TARBP1: variants seen among roughly 807,000 people sequenced by gnomAD.
The protein encoded by TARBP1 is tRNA guanosine 2 -O-methyltransferase TARBP1.
In TARBP1, 144 loss-of-function variants were observed where a neutral mutation model predicts 178.6. The ratio of observed to expected loss-of-function variants is 0.81; its 90% CI spans 0.70 to 0.93. The LOEUF is 0.93. Ranked by LOEUF, TARBP1 falls within the 40% of genes least tolerant of loss-of-function variation. The pLI is 0.00. For synonymous variants in TARBP1, 787 were observed against 781.0 expected, an observed-to-expected ratio of 1.01 and a Z score of -0.13; for missense variants, 2,067 against 2,011.7, an observed-to-expected ratio of 1.03 and a Z score of -0.53.
At position 234,465,558 on chromosome 1, in the gene TARBP1, G is replaced by C. The variant is rs1053683731; in HGVS notation, c.1301+98C>G. On this transcript the variant is annotated intron_variant, in intron 5 of 29. Transcript: ENST00000040877. ...TAAGAAAAACTCAACTGTCTATTCA[G>C]CAACATACTGTATGTGCCAAATGCA... is the stretch of plus-strand genomic sequence containing the variant. 1.1e-5 allele frequency: 12 copies of C among 1,109,386 alleles called. No individual in the cohort carries two copies. In the South Asian group the frequency reaches 1.4e-4, roughly 13 times the overall value. 68.7% of individuals were successfully genotyped at this position (1,109,386 alleles called of 1,614,324 possible).
chr1:234,440,583 C>T (rs1161894554), intron 12 of TARBP1, among the ~76,000 whole-genome samples: 1 of 152,078 alleles, frequency 6.6e-6, no homozygotes, highest in Non-Finnish European at 1.5e-5. Flanking sequence ...GGGAATACTA[C>T]AGACAATTCT....
At chr1:234,449,304 G>A (rs1334900919) in intron 10 of TARBP1, among the ~76,000 whole-genome samples, 1 of 152,210 alleles carries the variant, frequency 6.6e-6, no homozygotes, top group Non-Finnish European at 1.5e-5. Context: ...GAGGAAAAAT[G>A]TCTAAAATCA....
intron 26 of TARBP1, chr1:234,398,050 A>C (rs1660312697): frequency 5.9e-6 from 1 of 169,316 alleles, no homozygotes; most frequent in Admixed American, 6.3e-5. Flanking sequence ...GGAAATGTTT[A>C]TTTTTACAGA....
intron 26 of TARBP1, among the ~76,000 whole-genome samples, chr1:234,394,346 G>A (rs577152846): frequency 1.3e-5 from 2 of 152,316 alleles, no homozygotes; most frequent in African/African-American, 2.4e-5. Context: ...GTTATCTCTT[G>A]ACAAAAGTGA....
At chr1:234,475,725 T>C (rs1329198168) in intron 1 of TARBP1, among the ~76,000 whole-genome samples, 1 of 152,226 alleles carries the variant, frequency 6.6e-6, no homozygotes, top group Non-Finnish European at 1.5e-5. Flanking sequence ...CCTCATCTCT[T>C]GCACCAGGGA....
At chr1:234,419,991 T>C (rs987830016) in intron 21 of TARBP1, among the ~76,000 whole-genome samples, 3 of 152,202 alleles carry the variant, frequency 2.0e-5, no homozygotes, top group African/African-American at 7.2e-5. Flanking sequence ...GGGAGGACAG[T>C]AGGAAATTTT....
At chr1:234,450,050 A>C (rs1001365891) in intron 10 of TARBP1, among the ~76,000 whole-genome samples, 5 of 152,196 alleles carry the variant, frequency 3.3e-5, no homozygotes, top group African/African-American at 1.2e-4. Context: ...AAAATGAAAA[A>C]GATAAACACG....
At chr1:234,392,327 C>T (rs1373425945) in intron 29 of TARBP1, 89 bp downstream of exon 29, 5 of 1,511,022 alleles carry the variant, frequency 3.3e-6, no homozygotes, top group Non-Finnish European at 8.9e-7. Context: ...CAGAGTGAGA[C>T]TCCGTCTCAA....
rs763888507 is a variant in TARBP1 at position 234,420,745 on chromosome 1, C to A, written c.3512G>T (p.Arg1171Leu). 2 of 1,612,798 alleles carry A rather than the reference C, an allele frequency of 1.2e-6. No individual in the cohort carries two copies. Among genetic ancestry groups the A allele is most frequent in the Non-Finnish European group, 8.5e-7 (1 of 1,179,422 alleles). ...VNSLQHRVKN[R>L]VWQTLLVLFP... ...AAGTACCAGCAGAGTCTGCCACACT[C>A]GGTTTTTCACTCTGTGCTGTAGAGA... The change falls in exon 21 of 30, where the codon CGA becomes CTA. Residue 1171 changes from arginine (R) to leucine (L), a missense_variant. Coordinates refer to ENST00000040877, the MANE Select transcript of TARBP1 (RefSeq NM_005646.4).
In TARBP1 at chr1:234,472,817, A is replaced by G. The variant is rs750464475; in HGVS notation, c.932-6T>C. The G allele has an allele frequency of 2.5e-6, 4 of 1,586,566 alleles. No homozygotes were observed. The African/African-American group carries it at 4.1e-5, about 16-fold the overall frequency. On this transcript the variant is annotated splice_polypyrimidine_tract_variant and splice_region_variant and intron_variant, in intron 1 of 29. Transcript: ENST00000040877. ...CCACCAAAACAGACTTGGGCCTGATATGGTTTAAAAAAGAAAATTAGTTCT... is the reference window on the plus strand; with the variant it reads ...CCACCAAAACAGACTTGGGCCTGATGTGGTTTAAAAAAGAAAATTAGTTCT...
At chr1:234,425,628 TCTGA>T (rs1262602353) in intron 20 of TARBP1, 41 bp downstream of exon 20, 15 of 1,581,044 alleles carry the variant, frequency 9.5e-6, no homozygotes, top group South Asian at 3.4e-5. Flanking sequence ...AATGTTGACC[TCTGA>T]CTGTTAAAAA....
Position 234,418,166 on chromosome 1 carries a change from T to G in TARBP1, c.3623A>C (p.Lys1208Thr). ...AGFTNNQASI[K>T]YFIEWIIILI... The stretch of plus-strand genomic sequence containing the variant: ...TATAATAATCCATTCTATAAAATAT[T>G]TTATGGATGCTTGATTGTTGGTGAA... The change falls in exon 22 of 30, where the codon AAA (lysine) becomes ACA (threonine). Residue 1208 changes from lysine to threonine, a missense_variant. By Grantham distance (78) the Lys-to-Thr change is moderately conservative (BLOSUM62 -1). Coordinates refer to ENST00000040877, the MANE Select transcript of TARBP1 (RefSeq NM_005646.4). The G allele has an allele frequency of 6.5e-7, 1 of 1,550,192 alleles. No individual in the cohort carries two copies. The highest frequency in any genetic ancestry group is 8.6e-7 in the Non-Finnish European group (1 of 1,158,042).
intron 21 of TARBP1, among the ~76,000 whole-genome samples, chr1:234,419,460 T>C (rs1232181598): frequency 1.3e-5 from 2 of 152,176 alleles, no homozygotes; most frequent in African/African-American, 4.8e-5. Context: ...AAAATGAGAA[T>C]ATGTATGGCC....
At chr1:234,462,297 T>C (rs1375978494) in intron 6 of TARBP1, among the ~76,000 whole-genome samples, 2 of 152,210 alleles carry the variant, frequency 1.3e-5, no homozygotes, top group East Asian at 3.8e-4. Flanking sequence ...TTCACTCACG[T>C]GTGCTACTGA....
In TARBP1 at chr1:234,446,853, A is replaced by T; in HGVS notation, c.2084T>A (p.Leu695Gln). The T allele has an allele frequency of 6.2e-7, 1 of 1,614,052 alleles. No homozygotes were observed. The highest frequency in any genetic ancestry group is 8.5e-7 in the Non-Finnish European group (1 of 1,179,982). ...CCTGCATGTGTTCAACAGCTTCAACAGCAGCTGGAGGCATCTGTCAGTCTT... is the reference window on the plus strand; with the variant it reads ...CCTGCATGTGTTCAACAGCTTCAACTGCAGCTGGAGGCATCTGTCAGTCTT... ...LLKTDRCLQL[L>Q]LKLLNTCRLK... The change falls in exon 12 of 30, where the codon CTG (leucine) becomes CAG (glutamine). Residue 695 changes from leucine (L) to glutamine (Q), a missense_variant. Transcript: ENST00000040877.
chr1:234,423,126 G>C (rs894250686), intron 20 of TARBP1, among the ~76,000 whole-genome samples: 1 of 152,200 alleles, frequency 6.6e-6, no homozygotes, highest in African/African-American at 2.4e-5. Flanking sequence ...TACTGCTCTA[G>C]ACAAGCATTT....
chr1:234,398,645 T>C, intron 25 of TARBP1, 92 bp from the exon 26 acceptor site: 1 of 988,070 alleles, frequency 1.0e-6, no homozygotes, highest in Non-Finnish European at 1.4e-6. Context: ...ATTAATGATA[T>C]ATTCTCCAAA....
At chr1:234,449,083 G>GGA (rs1282599172) in intron 10 of TARBP1, among the ~76,000 whole-genome samples, 1 of 151,062 alleles carries the variant, frequency 6.6e-6, no homozygotes, top group Non-Finnish European at 1.5e-5. Flanking sequence ...GCACATCAAA[G>GGA]GTCTTCTAGC....
At chr1:234,450,774 G>GTATGTGTGATATATA (rs1666669834) in intron 9 of TARBP1, among the ~76,000 whole-genome samples, 1 of 135,104 alleles carries the variant, frequency 7.4e-6, no homozygotes, top group African/African-American at 2.7e-5. Flanking sequence ...ATGCGTATAT[G>GTATGTGTGATATATA]TATGTGTGAT....
Sources: allele counts gnomAD v4.1 joint callset (sites outside exome capture counted in the v4.1 genomes callset), GRCh38; gene constraint gnomAD v4.1.1; transcripts MANE v1.5; gene names NCBI Gene and HGNC (gene_info 2026-07-23, HGNC 2026-07-21).